GALNT1: variants seen among roughly 807,000 people sequenced by gnomAD.
GALNT1 encodes the protein polypeptide N-acetylgalactosaminyltransferase 1.
A neutral mutation model predicts 65.7 loss-of-function variants in GALNT1; 17 were observed. That is an observed-to-expected ratio of 0.26 (90% confidence interval 0.18 to 0.39). GALNT1 has a LOEUF of 0.39. Among genes scored for constraint, GALNT1 ranks in the 10% least tolerant of loss-of-function variants. The pLI, the probability that GALNT1 is intolerant of heterozygous loss-of-function variation, is 1.00. For missense variants in GALNT1, 460 were observed against 672.8 expected (o/e 0.68, Z 3.50); for synonymous variants, 210 against 219.7 (o/e 0.96, Z 0.39).
At chr18:35,598,382 TCTC>T (rs970966014) in intron 1 of GALNT1, among the ~76,000 whole-genome samples, 91 of 152,016 alleles carry the variant, frequency 6.0e-4, no homozygotes, top group African/African-American at 2.1e-3. Flanking sequence ...CATCTCCCCT[TCTC>T]CTCCCTACCC....
chr18:35,630,554 G>A (rs1449859313), intron 1 of GALNT1, among the ~76,000 whole-genome samples: 1 of 152,184 alleles, frequency 6.6e-6, no homozygotes, highest in Non-Finnish European at 1.5e-5. Flanking sequence ...ATTTAAAGCA[G>A]TGTGTAGAGG....
chr18:35,663,608 A>G lies in GALNT1; in HGVS notation c.140-20A>G, dbSNP rs1451943255. On this transcript the variant is annotated intron_variant, in intron 2 of 11. Transcript: ENST00000269195. ...AATTGCTATGAAATTAATGTTAGTT[A>G]AGTTTCTTCCTATTCTTAGTTCTAG... 6.3e-7 allele frequency: 1 copy of G among 1,582,988 alleles called. No homozygotes were observed. The highest frequency in any genetic ancestry group is 8.6e-7 in the Non-Finnish European group (1 of 1,168,912).
At chr18:35,672,203 A>G (rs1469394868) in intron 3 of GALNT1, among the ~76,000 whole-genome samples, 1 of 152,240 alleles carries the variant, frequency 6.6e-6, no homozygotes, top group East Asian at 1.9e-4. Flanking sequence ...CCTGGAATCT[A>G]GGATACAGAG....
intron 2 of GALNT1, chr18:35,659,778 T>TA (rs1241305299): frequency 1.1e-4 from 17 of 152,272 alleles, no homozygotes; most frequent in Non-Finnish European, 2.4e-4. Flanking sequence ...CTTACAATGA[T>TA]AAAAAACTTT....
At chr18:35,620,405 A>T (rs2046836105) in intron 1 of GALNT1, among the ~76,000 whole-genome samples, 1 of 152,174 alleles carries the variant, frequency 6.6e-6, no homozygotes, top group Non-Finnish European at 1.5e-5. Context: ...CAGCAGTTTG[A>T]TTTGTAAAAA....
At chr18:35,686,870 A>C (rs1436994757) in intron 5 of GALNT1, 146 bp from the exon 6 acceptor site, 53 of 664,284 alleles carry the variant, frequency 8.0e-5, no homozygotes, top group Admixed American at 5.5e-4. Flanking sequence ...GCACTACTGC[A>C]TTCCAGCCTG....
intron 2 of GALNT1, chr18:35,660,024 A>G (rs1408671694): frequency 1.3e-5 from 2 of 152,306 alleles, no homozygotes; most frequent in South Asian, 2.1e-4. Flanking sequence ...TCTGTATACC[A>G]CCGTAAAAGT....
chr18:35,702,172 T>A (rs78681994), intron 9 of GALNT1, among the ~76,000 whole-genome samples: 6,013 of 152,272 alleles, frequency 0.039, 162 homozygotes, highest in Non-Finnish European at 0.06. Flanking sequence ...TTACCCCTAC[T>A]TTATCTATCA....
chr18:35,617,054 A>G (rs2046791923), intron 1 of GALNT1, among the ~76,000 whole-genome samples: 1 of 152,110 alleles, frequency 6.6e-6, no homozygotes. Context: ...TTTGAGCAGC[A>G]GTGACGGGTG....
In GALNT1 at chr18:35,710,485, C is replaced by CTCTT. The variant is rs1281081531; in HGVS notation, c.*717_*720dup. On this transcript the variant is annotated 3_prime_UTR_variant, in exon 12 of 12. Transcript: ENST00000269195. ...CTGAAATTGAGCTGAAAAAAAAAGG[C>CTCTT]TCTTTGAATATAGTTTTAATTTCTC... 2.0e-5 allele frequency: 3 copies of CTCTT among 151,728 alleles called. No individual in the cohort carries two copies. The highest frequency in any genetic ancestry group is 7.3e-5 in the African/African-American group (3 of 41,168). 9.4% of individuals were successfully genotyped at this position (151,728 alleles called of 1,614,324 possible).
chr18:35,610,152 G>C (rs897254711), intron 1 of GALNT1, among the ~76,000 whole-genome samples: 7 of 152,168 alleles, frequency 4.6e-5, no homozygotes, highest in Non-Finnish European at 7.3e-5. Flanking sequence ...GACGTAATTG[G>C]GCAGCTGGGA....
intron 5 of GALNT1, 70 bp from the exon 6 acceptor site, chr18:35,686,946 C>A: frequency 7.1e-7 from 1 of 1,417,796 alleles, no homozygotes; most frequent in Non-Finnish European, 9.7e-7. Flanking sequence ...ACTTACTATA[C>A]AATTGTTCTG....
At chr18:35,648,024 GAGAAGA>G (rs71166076) in intron 1 of GALNT1, among the ~76,000 whole-genome samples, 52 of 145,956 alleles carry the variant, frequency 3.6e-4, no homozygotes, top group East Asian at 8.0e-4. Context: ...AAAACAAAAA[GAGAAGA>G]AGAAGAAGAA....
At position 35,588,370 on chromosome 18, in the gene GALNT1, G is replaced by A. The variant is rs77830821; in HGVS notation, c.-104+6508G>A. Reference sequence around the variant, plus strand: ...TCACTGTTCTCAGGATTTTTTCTTCGTCTTTAGTTTTCGAAAGTTTTATTA... The same window carrying A: ...TCACTGTTCTCAGGATTTTTTCTTCATCTTTAGTTTTCGAAAGTTTTATTA... On this transcript the variant is annotated intron_variant, in intron 1 of 11. Transcript: ENST00000269195. Among the ~76,000 whole-genome samples the A allele has an allele frequency of 5.6e-4, 85 of 152,114 alleles. 1 individual carries two copies. In the East Asian group the frequency reaches 0.013, roughly 23 times the overall value.
At chr18:35,596,572 G>A (rs768562401) in intron 1 of GALNT1, 22 of 152,206 alleles carry the variant, frequency 1.4e-4, no homozygotes, top group Admixed American at 1.3e-4. Context: ...ATACCTGAGA[G>A]TGAGTGTTTT....
intron 4 of GALNT1, 61 bp from the exon 5 acceptor site, chr18:35,683,330 C>T: frequency 7.4e-7 from 1 of 1,360,378 alleles, no homozygotes; most frequent in South Asian, 1.3e-5. Flanking sequence ...ATCAAAATTA[C>T]TTTCATCTGA....
At chr18:35,628,293 G>C (rs2046948408) in intron 1 of GALNT1, among the ~76,000 whole-genome samples, 1 of 152,200 alleles carries the variant, frequency 6.6e-6, no homozygotes, top group African/African-American at 2.4e-5. Context: ...TGAACCCCAA[G>C]TAGCCTAACT....
chr18:35,658,585 T>C (rs7240686), intron 2 of GALNT1, among the ~76,000 whole-genome samples: 16,863 of 152,038 alleles, frequency 0.11, 1,010 homozygotes, highest in Admixed American at 0.18. Context: ...TAGTGACAAA[T>C]TTCTGTGGTG....
chr18:35,607,417 T>G (rs1186157139), intron 1 of GALNT1, among the ~76,000 whole-genome samples: 1 of 152,124 alleles, frequency 6.6e-6, no homozygotes, highest in Admixed American at 6.6e-5. Context: ...ACTCTATGGT[T>G]GTTTCTGCCC....
Sources: allele counts gnomAD v4.1 joint callset (sites outside exome capture counted in the v4.1 genomes callset), GRCh38; gene constraint gnomAD v4.1.1; transcripts MANE v1.5; gene names NCBI Gene and HGNC (gene_info 2026-07-23, HGNC 2026-07-21).